Variants in XPA observed in about 807,000 individuals in gnomAD.
XPA encodes the protein XPA, DNA damage recognition and repair factor, also known as DNA repair protein complementing XP-A cells.
A neutral mutation model predicts 35.7 loss-of-function variants in XPA; 27 were observed. The observed-to-expected ratio is 0.76, with a 90% CI of 0.56 to 1.04. The LOEUF (loss-of-function observed/expected upper bound fraction) is 1.04. Among genes scored for constraint, XPA ranks in the 50% least tolerant of loss-of-function variants. XPA has a pLI of 0.00. For synonymous variants in XPA, 133 were observed against 118.4 expected, an observed-to-expected ratio of 1.12 and a Z score of -0.80; for missense variants, 354 against 342.7, an observed-to-expected ratio of 1.03 and a Z score of -0.26.
chr9:97,674,264 T>G (rs144343985), downstream of XPA, among the ~76,000 whole-genome samples: 9 of 152,292 alleles, frequency 5.9e-5, no homozygotes, highest in Non-Finnish European at 1.2e-4. Flanking sequence ...CAATTTTTAC[T>G]AAGCTGTAAT....
downstream of XPA, chr9:97,671,068 C>A (rs371158193): frequency 7.2e-6 from 11 of 1,534,856 alleles, no homozygotes; most frequent in Non-Finnish European, 8.1e-6. Context: ...CTAACTACCC[C>A]CTTTTGTGTG....
chr9:97,665,161 T>C, the XPA span, among the ~76,000 whole-genome samples: 1 of 152,248 alleles, frequency 6.6e-6, no homozygotes, highest in African/African-American at 2.4e-5. Flanking sequence ...CAGAGGACAC[T>C]GATCAGAAAT....
In XPA at chr9:97,684,946, TTC is replaced by T. The variant is rs1057519018; in HGVS notation, c.648_649del (p.Lys217GlufsTer3). On this transcript the variant is annotated frameshift_variant, in exon 5 of 6. Transcript: ENST00000375128. LOFTEE classifies it high-confidence loss of function. ...ACCTTTTACTTTTTTATCAAATTTC[TTC>T]TGTTTCATTTTTTCTCGGTTTTCCT... is the stretch of plus-strand genomic sequence containing the variant. 2 of 1,613,618 alleles carry T rather than the reference TTC, an allele frequency of 1.2e-6. No individual in the cohort carries two copies. The highest frequency in any genetic ancestry group is 2.2e-5 in the South Asian group (2 of 91,062).
the XPA span, chr9:97,655,683 C>G: frequency 6.3e-7 from 1 of 1,593,730 alleles, no homozygotes; most frequent in Non-Finnish European, 8.6e-7. Flanking sequence ...CTCTGCCTAC[C>G]TCCCCCTTCT....
chr9:97,671,866 G>T (rs1046063790), downstream of XPA: 1 of 152,198 alleles, frequency 6.6e-6, no homozygotes, highest in African/African-American at 2.4e-5. Context: ...CCGTCTGGGG[G>T]TGGAACGCAG....
rs142718417 is a variant in XPA at position 97,682,353 on chromosome 9, G to T, written c.673+2570C>A. 3 of 518,884 alleles carry T rather than the reference G, an allele frequency of 5.8e-6. No individual in the cohort carries two copies. In the East Asian group the frequency reaches 1.6e-4, roughly 28 times the overall value. The allele number at this position is 518,884 out of a possible 1,614,324, so 32.1% of individuals were successfully genotyped here. On this transcript the variant is annotated intron_variant, in intron 5 of 5. Coordinates refer to ENST00000375128, the MANE Select transcript of XPA (RefSeq NM_000380.4). ...GCCTTCTGAGAAAACTGCACAGTAA[G>T]CTCCTTGTGTCTAATCTCTACAGTG... is the stretch of plus-strand genomic sequence containing the variant.
the XPA span, among the ~76,000 whole-genome samples, chr9:97,664,785 A>G: frequency 6.6e-6 from 1 of 152,202 alleles, no homozygotes; most frequent in Non-Finnish European, 1.5e-5. Context: ...GAAGGGTTCC[A>G]GCTTCAGTGG....
chr9:97,657,926 A>ATT, the XPA span, among the ~76,000 whole-genome samples: 9 of 91,400 alleles, frequency 9.8e-5, no homozygotes, highest in East Asian at 6.1e-4. Flanking sequence ...ATATATATAT[A>ATT]TTTTTTTTTT....
At chr9:97,666,607 A>G in the XPA span, among the ~76,000 whole-genome samples, 1 of 152,204 alleles carries the variant, frequency 6.6e-6, no homozygotes, top group African/African-American at 2.4e-5. Flanking sequence ...ACAATAAAAG[A>G]CCAATTTGTA....
chr9:97,695,788 A>C (rs3176640), intron 1 of XPA, among the ~76,000 whole-genome samples: 1,778 of 152,340 alleles, frequency 0.012, 35 homozygotes, highest in African/African-American at 0.04. Flanking sequence ...CTCAGCACTT[A>C]CCTAACTCTT....
intron 2 of XPA, among the ~76,000 whole-genome samples, chr9:97,691,701 G>A (rs1007985243): frequency 6.6e-6 from 1 of 151,776 alleles, no homozygotes; most frequent in Non-Finnish European, 1.5e-5. Flanking sequence ...CAACAAGAGT[G>A]AAACTCCGTC....
the XPA span, among the ~76,000 whole-genome samples, chr9:97,660,417 C>G: frequency 6.6e-6 from 1 of 152,162 alleles, no homozygotes; most frequent in African/African-American, 2.4e-5. Flanking sequence ...GAGCATCTGA[C>G]TTACGTAGAT....
downstream of XPA, chr9:97,671,288 T>C: frequency 2.1e-6 from 2 of 932,144 alleles, no homozygotes; most frequent in Non-Finnish European, 3.3e-6. Context: ...TGCTTTCTTG[T>C]AGTATCCTTT....
chr9:97,669,588 T>TA, the XPA span: 1 of 1,590,250 alleles, frequency 6.3e-7, no homozygotes, highest in Non-Finnish European at 8.6e-7. Context: ...CTTCTCCCTT[T>TA]CCAGCGGTTT....
At chr9:97,685,703 C>G (rs1828695643) in intron 4 of XPA, among the ~76,000 whole-genome samples, 1 of 152,106 alleles carries the variant, frequency 6.6e-6, no homozygotes, top group South Asian at 2.1e-4. Context: ...TAGCCAAACT[C>G]AAATTTAACA....
the XPA span, chr9:97,655,889 A>C: frequency 1.5e-6 from 2 of 1,314,246 alleles, no homozygotes; most frequent in Non-Finnish European, 2.1e-6. Context: ...ACAAATAGTT[A>C]CAAGTGCAAT....
rs185709351 is a variant in XPA, at chr9:97,692,005, G to A, written c.283+1644C>T. Among the ~76,000 whole-genome samples the A allele has an allele frequency of 4.6e-5, 7 of 151,184 alleles. No individual in the cohort carries two copies. In the East Asian group the frequency reaches 7.8e-4, roughly 17 times the overall value. Reference sequence around the variant, plus strand: ...AATTTCCAACAAGAAGAAAAAAGGAGTTGTCGGCCAGGTGCAGTGGCTCAC... The same window carrying A: ...AATTTCCAACAAGAAGAAAAAAGGAATTGTCGGCCAGGTGCAGTGGCTCAC... On this transcript the variant is annotated intron_variant, in intron 2 of 5. Transcript: ENST00000375128.
intron 1 of XPA, among the ~76,000 whole-genome samples, 156 bp downstream of exon 1, chr9:97,696,965 G>C (rs1224664101): frequency 1.3e-5 from 2 of 152,234 alleles, no homozygotes; most frequent in Non-Finnish European, 2.9e-5. Context: ...AAGGCGGCTG[G>C]CTGGGCGGAT....
intron 2 of XPA, among the ~76,000 whole-genome samples, chr9:97,690,514 A>G (rs1828854439): frequency 1.3e-5 from 2 of 152,170 alleles, no homozygotes; most frequent in Admixed American, 1.3e-4. Flanking sequence ...CAGCCTCCCA[A>G]GTAGCTGGGA....
Sources: gnomAD v4.1 joint callset for allele counts (sites outside exome capture counted in the v4.1 genomes callset) on GRCh38, gnomAD v4.1.1 for gene constraint, MANE v1.5 for transcripts, NCBI Gene and HGNC (gene_info 2026-07-23, HGNC 2026-07-21) for gene names.